BLTP3B: variants seen among roughly 807,000 people sequenced by gnomAD.
BLTP3B encodes bridge-like lipid transfer protein family member 3B.
At chr12:100,121,625 G>T in the BLTP3B span, among the ~76,000 whole-genome samples, 1 of 151,922 alleles carries the variant, frequency 6.6e-6, no homozygotes, top group African/African-American at 2.4e-5. Context: ...GAGGTCGGGA[G>T]TTTGAGACCA....
the BLTP3B span, chr12:100,057,787 A>C: frequency 1.3e-6 from 2 of 1,506,726 alleles, no homozygotes; most frequent in Non-Finnish European, 1.8e-6. Context: ...ATATAGAGAA[A>C]AGAATTCTAT....
At chr12:100,135,768 G>A in the BLTP3B span, among the ~76,000 whole-genome samples, 2 of 152,112 alleles carry the variant, frequency 1.3e-5, no homozygotes, top group South Asian at 2.1e-4. Context: ...TAAACTCCAC[G>A]AGGGCAGGGA....
chr12:100,130,946 A>G, the BLTP3B span, among the ~76,000 whole-genome samples: 1 of 125,774 alleles, frequency 8.0e-6, no homozygotes, highest in Non-Finnish European at 1.6e-5. Flanking sequence ...ACATACATAC[A>G]TACATATATA....
the BLTP3B span, among the ~76,000 whole-genome samples, chr12:100,121,283 G>A: frequency 2.0e-5 from 3 of 150,794 alleles, no homozygotes; most frequent in South Asian, 2.1e-4. Context: ...CTGGGAGGTG[G>A]AGGTTGCAGT....
the BLTP3B span, chr12:100,051,395 T>C: frequency 1.9e-6 from 1 of 520,480 alleles, no homozygotes; most frequent in South Asian, 4.6e-5. Context: ...ACAATGAATG[T>C]GCTATAATTC....
the BLTP3B span, chr12:100,051,351 G>C: frequency 9.7e-6 from 7 of 720,028 alleles, no homozygotes; most frequent in South Asian, 1.0e-4. Context: ...TTAAAAAATG[G>C]ACCAAGAAAA....
At chr12:100,074,362 G>A in the BLTP3B span, among the ~76,000 whole-genome samples, 1 of 152,146 alleles carries the variant, frequency 6.6e-6, no homozygotes, top group East Asian at 1.9e-4. Flanking sequence ...ACGGTGAGAG[G>A]CTGAGGCGGG....
chr12:100,058,195 G>T, the BLTP3B span: 3 of 1,612,940 alleles, frequency 1.9e-6, no homozygotes, highest in African/African-American at 4.0e-5. Context: ...AGTATGTTTT[G>T]ATTACCATCA....
chr12:100,088,878 A>G, the BLTP3B span: 1 of 1,457,002 alleles, frequency 6.9e-7, no homozygotes, highest in African/African-American at 1.4e-5. Context: ...CAATTCTAGA[A>G]AAACCAAAAT....
chr12:100,076,645 T>C, the BLTP3B span, among the ~76,000 whole-genome samples: 1 of 152,204 alleles, frequency 6.6e-6, no homozygotes, highest in Non-Finnish European at 1.5e-5. Flanking sequence ...CCACCCACTT[T>C]GGCTTCCCAA....
the BLTP3B span, chr12:100,047,641 A>G: frequency 6.3e-7 from 1 of 1,582,766 alleles, no homozygotes; most frequent in African/African-American, 1.3e-5. Flanking sequence ...CTATCATCCT[A>G]CAGGAAAGAA....
At chr12:100,058,141 T>C in the BLTP3B span, 3 of 1,613,532 alleles carry the variant, frequency 1.9e-6, no homozygotes, top group East Asian at 2.2e-5. Flanking sequence ...GCTTTAAAGA[T>C]GGACTCTATG....
the BLTP3B span, among the ~76,000 whole-genome samples, chr12:100,054,102 T>C: frequency 6.6e-6 from 1 of 152,266 alleles, no homozygotes; most frequent in Non-Finnish European, 1.5e-5. Context: ...TTGTGAACAA[T>C]AATATAATTA....
chr12:100,106,964 G>A, the BLTP3B span, among the ~76,000 whole-genome samples: 1 of 152,040 alleles, frequency 6.6e-6, no homozygotes, highest in Non-Finnish European at 1.5e-5. Context: ...TTAAGACCAA[G>A]AAGTGACACA....
chr12:100,131,376 T>A, the BLTP3B span, among the ~76,000 whole-genome samples: 8 of 151,532 alleles, frequency 5.3e-5, no homozygotes, highest in African/African-American at 1.7e-4. Context: ...ATTTAAAAAA[T>A]TTTTTAAAGA....
At chr12:100,120,410 A>G in the BLTP3B span, among the ~76,000 whole-genome samples, 1 of 152,032 alleles carries the variant, frequency 6.6e-6, no homozygotes, top group African/African-American at 2.4e-5. Context: ...TAAAATAGGC[A>G]AAAGATTTAA....
the BLTP3B span, chr12:100,142,837 C>T: frequency 1.5e-6 from 1 of 646,006 alleles, no homozygotes; most frequent in Non-Finnish European, 2.4e-6. Context: ...ACGGCCGCCG[C>T]GGGCGCCATC....
At chr12:100,105,910 T>C in the BLTP3B span, among the ~76,000 whole-genome samples, 2 of 151,964 alleles carry the variant, frequency 1.3e-5, no homozygotes, top group African/African-American at 2.4e-5. Context: ...GAACAGACAT[T>C]TTGCAAAAGA....
chr12:100,114,005 T>C, the BLTP3B span, among the ~76,000 whole-genome samples: 1 of 152,302 alleles, frequency 6.6e-6, no homozygotes, highest in South Asian at 2.1e-4. Flanking sequence ...GGACACAGAA[T>C]ATGCTAAGAA....
Sources: allele counts gnomAD v4.1 joint callset (sites outside exome capture counted in the v4.1 genomes callset), GRCh38; gene constraint gnomAD v4.1.1; transcripts MANE v1.5; gene names NCBI Gene and HGNC (gene_info 2026-07-23, HGNC 2026-07-21).